The following C10orf67 variants were observed in gnomAD, a reference collection of about 807,000 sequenced individuals.
The protein encoded by C10orf67 is chromosome 10 open reading frame 67.
In C10orf67, 60 loss-of-function variants were observed where a neutral mutation model predicts 35.6. The ratio of observed to expected loss-of-function variants is 1.68; its 90% CI spans 1.37 to 2.09. C10orf67 has a LOEUF of 2.09. C10orf67 is among the 30% of genes most tolerant of loss of function. C10orf67 has a pLI of 0.00. For synonymous variants in C10orf67, 167 were observed against 115.8 expected (o/e 1.44, Z -2.84); for missense variants, 474 against 330.2 (o/e 1.44, Z -3.38).
chr10:23,214,609 CA>C (rs1841385604), intron 15 of C10orf67, among the ~76,000 whole-genome samples: 1 of 151,778 alleles, frequency 6.6e-6, no homozygotes, highest in South Asian at 2.1e-4. Context: ...CACATAAATC[CA>C]ACAACCAAAA....
At chr10:23,223,520 A>G (rs1048254281) in intron 15 of C10orf67, 78 bp downstream of exon 15, 5 of 707,836 alleles carry the variant, frequency 7.1e-6, no homozygotes, top group Non-Finnish European at 1.3e-5. Flanking sequence ...ACCTCAGGGT[A>G]AAAAAGAAAA....
intron 10 of C10orf67, among the ~76,000 whole-genome samples, chr10:23,256,080 C>T (rs936870096): frequency 2.0e-5 from 3 of 152,168 alleles, no homozygotes; most frequent in Admixed American, 1.3e-4. Flanking sequence ...TGGCTCACTG[C>T]AGCCTCCACC....
chr10:23,223,700 T>C (rs1416195899), intron 14 of C10orf67, 42 bp from the exon 15 acceptor site: 1 of 716,890 alleles, frequency 1.4e-6, no homozygotes, highest in Non-Finnish European at 2.6e-6. Flanking sequence ...AGTTGAATAA[T>C]ATTAACTCAG....
chr10:23,331,110 GGAACCAGGACA>G (rs138945373), intron 2 of C10orf67, among the ~76,000 whole-genome samples: 1 of 145,242 alleles, frequency 6.9e-6, no homozygotes, highest in African/African-American at 2.5e-5. Context: ...GACTGGGACG[GGAACCAGGACA>G]GGAAGGGAGA....
intron 12 of C10orf67, among the ~76,000 whole-genome samples, chr10:23,241,443 G>A (rs1842173214): frequency 1.3e-5 from 2 of 152,196 alleles, no homozygotes; most frequent in African/African-American, 4.8e-5. Flanking sequence ...ATATTGGGAT[G>A]TGGTAAATGC....
At chr10:23,338,384 C>A (rs1357151698) in intron 1 of C10orf67, among the ~76,000 whole-genome samples, 1 of 152,158 alleles carries the variant, frequency 6.6e-6, no homozygotes, top group East Asian at 1.9e-4. Flanking sequence ...GAGCTCCCAA[C>A]GTGGCAGCAT....
intron 14 of C10orf67, 34 bp from the exon 15 acceptor site, chr10:23,223,692 T>G (rs1439905159): frequency 2.8e-6 from 2 of 717,148 alleles, no homozygotes. Flanking sequence ...ATTACTTAAG[T>G]TGAATAATAT....
intron 5 of C10orf67, among the ~76,000 whole-genome samples, chr10:23,295,160 G>A (rs1843844523): frequency 6.6e-6 from 1 of 152,150 alleles, no homozygotes; most frequent in Non-Finnish European, 1.5e-5. Context: ...TATTAAGAGT[G>A]TTTACAGAAA....
At chr10:23,243,501 T>C (rs1216048822) in intron 12 of C10orf67, among the ~76,000 whole-genome samples, 4 of 151,332 alleles carry the variant, frequency 2.6e-5, no homozygotes, top group Admixed American at 6.6e-5. Flanking sequence ...CTGACCAACA[T>C]GGAGAAATCC....
chr10:23,265,435 T>G (rs772917804), intron 10 of C10orf67, among the ~76,000 whole-genome samples: 1 of 152,108 alleles, frequency 6.6e-6, no homozygotes, highest in Admixed American at 6.5e-5. Flanking sequence ...AGGACAGAGT[T>G]TGAGAGAGCA....
intron 4 of C10orf67, among the ~76,000 whole-genome samples, chr10:23,311,823 T>C (rs965137521): frequency 2.0e-5 from 3 of 152,218 alleles, no homozygotes; most frequent in South Asian, 2.1e-4. Context: ...ATTAACTTTC[T>C]AAAATAAAAT....
At chr10:23,335,324 G>A (rs1845638686) in intron 1 of C10orf67, among the ~76,000 whole-genome samples, 1 of 152,120 alleles carries the variant, frequency 6.6e-6, no homozygotes, top group African/African-American at 2.4e-5. Flanking sequence ...GGCAGTTTCT[G>A]TCAACTGTAG....
intron 15 of C10orf67, 126 bp downstream of exon 15, chr10:23,223,472 G>A (rs546329404): frequency 1.5e-6 from 1 of 658,598 alleles, no homozygotes; most frequent in Non-Finnish European, 2.7e-6. Context: ...TTTATAAAGT[G>A]GCTGAAAAAA....
intron 7 of C10orf67, among the ~76,000 whole-genome samples, chr10:23,283,629 C>G (rs1216785255): frequency 6.6e-6 from 1 of 152,154 alleles, no homozygotes; most frequent in African/African-American, 2.4e-5. Flanking sequence ...ACTCCTTGCC[C>G]TCATGTTCTC....
chr10:23,279,061 G>C (rs1843283959), intron 8 of C10orf67, among the ~76,000 whole-genome samples: 1 of 152,176 alleles, frequency 6.6e-6, no homozygotes, highest in South Asian at 2.1e-4. Flanking sequence ...AGACCAGCCT[G>C]GGCAATATAG....
chr10:23,245,262 G>T lies in C10orf67; in HGVS notation c.1346+5193C>A, dbSNP rs541247621. Among the ~76,000 whole-genome samples the T allele has an allele frequency of 1.3e-3, 204 of 152,122 alleles. 1 individual carries two copies. Among genetic ancestry groups the T allele is most frequent in the Non-Finnish European group, 3.7e-4 (25 of 67,980 alleles). The stretch of plus-strand genomic sequence containing the variant: ...TCCTGAAACCATAAAATTCCTAGAA[G>T]AAAACATAGGAGGGAAAGCTTTTTC... On this transcript the variant is annotated intron_variant, in intron 12 of 15. Transcript: ENST00000636213.
chr10:23,325,448 A>G (rs1845149161), intron 2 of C10orf67, among the ~76,000 whole-genome samples: 1 of 151,232 alleles, frequency 6.6e-6, no homozygotes, highest in Non-Finnish European at 1.5e-5. Flanking sequence ...GCTAGAGATA[A>G]TATAACAAAA....
At chr10:23,259,400 C>T (rs1163016462) in intron 10 of C10orf67, among the ~76,000 whole-genome samples, 2 of 152,126 alleles carry the variant, frequency 1.3e-5, no homozygotes, top group Admixed American at 6.5e-5. Flanking sequence ...CAAGACTCAG[C>T]CTGGATCCCT....
At chr10:23,241,539 ACTTT>A (rs1842177301) in intron 12 of C10orf67, among the ~76,000 whole-genome samples, 1 of 152,200 alleles carries the variant, frequency 6.6e-6, no homozygotes, top group Non-Finnish European at 1.5e-5. Context: ...GAAGATATCT[ACTTT>A]CTAATTTCTG....
Sources: allele counts gnomAD v4.1 joint callset (sites outside exome capture counted in the v4.1 genomes callset), GRCh38; gene constraint gnomAD v4.1.1; transcripts MANE v1.5; gene names NCBI Gene and HGNC (gene_info 2026-07-23, HGNC 2026-07-21).